The following PRKCH variants were observed in gnomAD, a reference collection of about 807,000 sequenced individuals.
The protein encoded by PRKCH is protein kinase C eta type.
A neutral mutation model predicts 82.5 loss-of-function variants in PRKCH; 28 were observed. That is an observed-to-expected ratio of 0.34 (90% CI 0.25 to 0.47). PRKCH has a LOEUF of 0.47. Among genes scored for constraint, PRKCH ranks in the 20% least tolerant of loss-of-function variants. The pLI is 1.00. For synonymous variants in PRKCH, 322 were observed against 327.4 expected (o/e 0.98, Z 0.18); for missense variants, 705 against 881.8 (o/e 0.80, Z 2.54).
chr14:61,323,444 C>T (rs756508333), intron 1 of PRKCH, among the ~76,000 whole-genome samples: 1 of 152,078 alleles, frequency 6.6e-6, no homozygotes, highest in African/African-American at 2.4e-5. Context: ...AAGTGGAGTA[C>T]GCCATTTGAA....
chr14:61,407,123 T>C (rs1178498016), intron 2 of PRKCH, among the ~76,000 whole-genome samples: 1 of 152,012 alleles, frequency 6.6e-6, no homozygotes, highest in African/African-American at 2.4e-5. Flanking sequence ...CAAGGAGGGG[T>C]GTTAGAGTAG....
chr14:61,534,496 A>G (rs1280658132), intron 12 of PRKCH, among the ~76,000 whole-genome samples: 1 of 152,222 alleles, frequency 6.6e-6, no homozygotes, highest in African/African-American at 2.4e-5. Context: ...GGTGACTTCA[A>G]GAGTTCCTCA....
At chr14:61,236,637 G>A (rs551339192) in intron 1 of PRKCH, among the ~76,000 whole-genome samples, 2 of 150,712 alleles carry the variant, frequency 1.3e-5, no homozygotes, top group Non-Finnish European at 3.0e-5. Context: ...AACCTGGGAG[G>A]GGGAGGTTGC....
intron 1 of PRKCH, among the ~76,000 whole-genome samples, chr14:61,261,494 A>G (rs898240821): frequency 6.6e-6 from 1 of 152,206 alleles, no homozygotes; most frequent in African/African-American, 2.4e-5. Flanking sequence ...AGAAAGGGAC[A>G]TCCACCCAGC....
At chr14:61,501,117 C>T (rs534399851) in intron 10 of PRKCH, among the ~76,000 whole-genome samples, 3 of 152,302 alleles carry the variant, frequency 2.0e-5, no homozygotes, top group Admixed American at 6.5e-5. Context: ...ATGAGGATAA[C>T]AGTACTATCC....
chr14:61,276,417 A>G lies in PRKCH; in HGVS notation c.-19+88749A>G, dbSNP rs141224499. ...GTCACCCAGGCTGAAGTGCAGTGGCATGATCTCGGCTTACTGCAACCTCTG... is the reference window on the plus strand; with the variant it reads ...GTCACCCAGGCTGAAGTGCAGTGGCGTGATCTCGGCTTACTGCAACCTCTG... On this transcript the variant is annotated intron_variant, in intron 1 of 3. Coordinates refer to the PRKCH transcript ENST00000555185. 3.4e-3 allele frequency among the ~76,000 whole-genome samples: 512 copies of G among 151,388 alleles called. 1 individual carries two copies. The highest frequency in any genetic ancestry group is 0.011 in the African/African-American group (468 of 41,218).
chr14:61,267,505 T>A (rs1243106946), intron 1 of PRKCH, among the ~76,000 whole-genome samples: 1 of 152,200 alleles, frequency 6.6e-6, no homozygotes, highest in African/African-American at 2.4e-5. Flanking sequence ...CTTCTTGTGA[T>A]CCTGAAGGTT....
chr14:61,529,280 C>G, intron 11 of PRKCH, 67 bp downstream of exon 11: 1 of 1,528,174 alleles, frequency 6.5e-7, no homozygotes, highest in Admixed American at 2.0e-5. Context: ...AGAAATGCCA[C>G]TGGCTGCTTT....
chr14:61,292,354 C>T (rs1016338619), intron 1 of PRKCH, among the ~76,000 whole-genome samples: 4 of 151,100 alleles, frequency 2.6e-5, no homozygotes, highest in African/African-American at 9.7e-5. Flanking sequence ...TGGTAGTGCA[C>T]ATATGTGGTC....
chr14:61,382,835 G>T (rs1432340461), intron 1 of PRKCH, among the ~76,000 whole-genome samples: 1 of 152,200 alleles, frequency 6.6e-6, no homozygotes, highest in East Asian at 1.9e-4. Context: ...TTTCCTGTCT[G>T]TGATCAATTC....
intron 7 of PRKCH, 68 bp downstream of exon 7, chr14:61,453,421 G>A (rs1813633602): frequency 1.3e-6 from 2 of 1,545,180 alleles, no homozygotes; most frequent in African/African-American, 2.7e-5. Flanking sequence ...GCCCAAATGA[G>A]AGCATGTGGC....
At chr14:61,514,832 A>G (rs1009008259) in intron 10 of PRKCH, among the ~76,000 whole-genome samples, 1 of 152,218 alleles carries the variant, frequency 6.6e-6, no homozygotes, top group South Asian at 2.1e-4. Flanking sequence ...GAAATAAGTC[A>G]TATAACAGCC....
chr14:61,461,515 A>G (rs776377314), intron 9 of PRKCH, among the ~76,000 whole-genome samples: 28 of 152,178 alleles, frequency 1.8e-4, no homozygotes, highest in Non-Finnish European at 3.4e-4. Context: ...ATGGTTTCCT[A>G]TGACATGAGG....
At chr14:61,505,742 A>G (rs1594770518) in intron 10 of PRKCH, among the ~76,000 whole-genome samples, 1 of 152,050 alleles carries the variant, frequency 6.6e-6, no homozygotes, top group Non-Finnish European at 1.5e-5. Context: ...GCCACCTCCC[A>G]AAGGACCCAC....
chr14:61,280,772 C>A lies in PRKCH; in HGVS notation c.-19+93104C>A. On this transcript the variant is annotated intron_variant, in intron 1 of 3. Coordinates refer to the PRKCH transcript ENST00000555185. The surrounding 1 kb of genome is among the most constrained non-coding windows in gnomAD (Gnocchi z 5.0). ...CTCAGCTGCGCGTCGTCGCGGGACA[C>A]GCCGTAGCGCCGGTTGTTCTGGTAG... 6.4e-7 allele frequency: 1 copy of A among 1,552,880 alleles called. No homozygotes were observed. Among genetic ancestry groups the A allele is most frequent in the Non-Finnish European group, 8.6e-7 (1 of 1,158,044 alleles).
intron 1 of PRKCH, chr14:61,327,206 T>A (rs1314919430): frequency 4.5e-6 from 2 of 441,498 alleles, no homozygotes; most frequent in Non-Finnish European, 9.2e-6. Flanking sequence ...ATCAGTCCTG[T>A]CAGGTGAAGC....
rs549782527 is a variant in PRKCH, at chr14:61,469,794, C to G, written c.1278+12115C>G. On this transcript the variant is annotated intron_variant, in intron 9 of 13. Transcript: ENST00000332981. ...GTCAACATAAAGTTAGCAGACTCGT[C>G]GTGTAGAGAGTTGTGCACTGGCAGG... 2.0e-5 allele frequency among the ~76,000 whole-genome samples: 3 copies of G among 152,214 alleles called. No individual in the cohort carries two copies. The South Asian group carries it at 6.2e-4, about 32-fold the overall frequency.
intron 1 of PRKCH, chr14:61,322,751 C>A: frequency 2.8e-6 from 1 of 351,342 alleles, no homozygotes; most frequent in Non-Finnish European, 5.2e-6. Flanking sequence ...CCCTTTCCGC[C>A]CAGTCTTTGG....
chr14:61,426,049 A>G (rs13379462), intron 2 of PRKCH, among the ~76,000 whole-genome samples: 87,510 of 152,154 alleles, frequency 0.58, 27,006 homozygotes, highest in Non-Finnish European at 0.69. Context: ...CTGTGAGTCA[A>G]TTAAACTTCT....
Sources: allele counts gnomAD v4.1 joint callset (sites outside exome capture counted in the v4.1 genomes callset), GRCh38; gene constraint gnomAD v4.1.1; non-coding constraint Gnocchi (gnomAD v3.1); transcripts MANE v1.5; gene names NCBI Gene and HGNC (gene_info 2026-07-23, HGNC 2026-07-21).